Variants in KCNIP4 observed in about 807,000 individuals in gnomAD.
KCNIP4 encodes Kv channel-interacting protein 4.
Under a neutral mutation model 34.0 loss-of-function variants are expected in KCNIP4, and 12 were observed. The observed-to-expected ratio is 0.35, with a 90% confidence interval of 0.23 to 0.57. The LOEUF (loss-of-function observed/expected upper bound fraction) is 0.57, where lower values mean the gene tolerates loss of function less well. Ranked by LOEUF, KCNIP4 falls within the 20% of genes least tolerant of loss-of-function variation. The pLI, the probability that KCNIP4 is intolerant of heterozygous loss-of-function variation, is 0.83. For synonymous variants in KCNIP4, 124 were observed against 102.2 expected (o/e 1.21, Z -1.29); for missense variants, 238 against 311.7 (o/e 0.76, Z 1.78).
chr4:21,691,558 C>T (rs187012113), intron 1 of KCNIP4, among the ~76,000 whole-genome samples: 1 of 152,218 alleles, frequency 6.6e-6, no homozygotes, highest in Admixed American at 6.5e-5. Flanking sequence ...GTATAATATC[C>T]TCGGTAGTCT....
At chr4:21,226,252 AGGG>A (rs1758379744) in intron 1 of KCNIP4, among the ~76,000 whole-genome samples, 2 of 37,278 alleles carry the variant, frequency 5.4e-5, no homozygotes, top group African/African-American at 2.5e-4. Flanking sequence ...GGGGGGAGGG[AGGG>A]AGGGAGGGAG....
intron 1 of KCNIP4, among the ~76,000 whole-genome samples, chr4:21,476,806 G>A (rs1358037056): frequency 6.6e-6 from 1 of 152,124 alleles, no homozygotes. Flanking sequence ...CAAAATAATT[G>A]TGTGTGTCCC....
chr4:20,878,126 C>A (rs1006628056), intron 2 of KCNIP4, among the ~76,000 whole-genome samples: 9 of 152,126 alleles, frequency 5.9e-5, no homozygotes, highest in Admixed American at 3.3e-4. Context: ...TCTAGCTCTG[C>A]CAACTGGGGC....
At chr4:20,742,001 C>T (rs1751237311) in intron 5 of KCNIP4, among the ~76,000 whole-genome samples, 1 of 152,278 alleles carries the variant, frequency 6.6e-6, no homozygotes, top group Non-Finnish European at 1.5e-5. Context: ...CACATACACC[C>T]TCCCAAGACT....
chr4:21,349,346 A>G (rs1717777109), intron 1 of KCNIP4, among the ~76,000 whole-genome samples: 1 of 152,154 alleles, frequency 6.6e-6, no homozygotes, highest in Admixed American at 6.6e-5. Context: ...TTGAGTCAGA[A>G]TATGAAATGC....
chr4:20,824,786 T>C (rs1399928546), intron 3 of KCNIP4, among the ~76,000 whole-genome samples: 1 of 151,404 alleles, frequency 6.6e-6, no homozygotes, highest in Non-Finnish European at 1.5e-5. Flanking sequence ...TAGGTAACAT[T>C]AAAGGATTGT....
chr4:20,884,145 G>A (rs1016713348), intron 1 of KCNIP4, among the ~76,000 whole-genome samples: 2 of 152,164 alleles, frequency 1.3e-5, no homozygotes, highest in South Asian at 2.1e-4. Context: ...TGGCAAATGA[G>A]TAAATAAATT....
intron 1 of KCNIP4, among the ~76,000 whole-genome samples, chr4:21,916,450 G>A (rs1011104178): frequency 1.3e-5 from 2 of 152,102 alleles, no homozygotes; most frequent in Admixed American, 6.6e-5. Context: ...TCAGAAGCCT[G>A]TACCTACAAA....
intron 1 of KCNIP4, among the ~76,000 whole-genome samples, chr4:21,765,154 G>T (rs539874218): frequency 0.039 from 4,276 of 110,420 alleles, 199 homozygotes; most frequent in African/African-American, 0.15. Flanking sequence ...ATTATGAAGA[G>T]AACCTTTTTT....
chr4:20,921,425 C>T (rs1001228685), intron 1 of KCNIP4, among the ~76,000 whole-genome samples: 1 of 152,140 alleles, frequency 6.6e-6, no homozygotes, highest in African/African-American at 2.4e-5. Flanking sequence ...TAGAGCCATA[C>T]AATAACTCTG....
At chr4:21,527,500 G>T (rs1013745508) in intron 1 of KCNIP4, among the ~76,000 whole-genome samples, 2 of 152,016 alleles carry the variant, frequency 1.3e-5, no homozygotes, top group Non-Finnish European at 2.9e-5. Context: ...TTTCTAGTGG[G>T]GTTGCCCTAT....
At chr4:21,703,423 T>C (rs1398095325) in intron 1 of KCNIP4, among the ~76,000 whole-genome samples, 2 of 152,298 alleles carry the variant, frequency 1.3e-5, no homozygotes, top group Middle Eastern at 3.4e-3. Context: ...TGCACATGGA[T>C]GAAGCTGGAA....
chr4:21,132,841 T>C (rs1187891198), intron 1 of KCNIP4, among the ~76,000 whole-genome samples: 1 of 133,966 alleles, frequency 7.5e-6, no homozygotes, highest in Non-Finnish European at 1.6e-5. Flanking sequence ...AAATGTCGTC[T>C]CTACTAAACG....
chr4:21,876,430 G>C (rs944141380), intron 1 of KCNIP4, among the ~76,000 whole-genome samples: 1 of 152,046 alleles, frequency 6.6e-6, no homozygotes, highest in Non-Finnish European at 1.5e-5. Context: ...TTCTATTGGT[G>C]GGTCCTGGGT....
intron 1 of KCNIP4, among the ~76,000 whole-genome samples, chr4:21,762,503 T>C (rs1718126628): frequency 6.6e-6 from 1 of 152,178 alleles, no homozygotes; most frequent in Non-Finnish European, 1.5e-5. Context: ...CTAGGCTCAA[T>C]AAATCTGGGC....
intron 1 of KCNIP4, among the ~76,000 whole-genome samples, chr4:21,423,918 C>T (rs903263598): frequency 6.6e-6 from 1 of 151,688 alleles, no homozygotes; most frequent in African/African-American, 2.4e-5. Flanking sequence ...AGCGATTCTC[C>T]TGCCTCAGCC....
chr4:21,234,312 A>T (rs538609793), intron 1 of KCNIP4, among the ~76,000 whole-genome samples: 4 of 77,868 alleles, frequency 5.1e-5, no homozygotes, highest in Admixed American at 1.5e-4. Flanking sequence ...CATATATAAC[A>T]TATATATAAC....
chr4:21,793,239 A>T (rs1720410366), intron 1 of KCNIP4, among the ~76,000 whole-genome samples: 1 of 152,176 alleles, frequency 6.6e-6, no homozygotes, highest in African/African-American at 2.4e-5. Flanking sequence ...GCACATTGAC[A>T]CGTTCTGGAC....
chr4:20,800,611 T>G (rs921495748), intron 3 of KCNIP4, among the ~76,000 whole-genome samples: 1 of 152,118 alleles, frequency 6.6e-6, no homozygotes, highest in Non-Finnish European at 1.5e-5. Context: ...TTATAGCTAG[T>G]GAATTTAATC....
Sources: gnomAD v4.1 joint callset for allele counts (sites outside exome capture counted in the v4.1 genomes callset) on GRCh38, gnomAD v4.1.1 for gene constraint, MANE v1.5 for transcripts, NCBI Gene and HGNC (gene_info 2026-07-23, HGNC 2026-07-21) for gene names.